DNAAF11: variants seen among roughly 807,000 people sequenced by gnomAD.
DNAAF11 encodes the protein dynein axonemal assembly factor 11, also known as leucine rich repeat containing 6.
DNAAF11 carries 45 observed loss-of-function variants against 60.8 expected under a neutral mutation model. The observed-to-expected ratio is 0.74, with a 90% CI of 0.58 to 0.95. DNAAF11 has a LOEUF of 0.95. Among genes scored for constraint, DNAAF11 ranks in the 40% least tolerant of loss-of-function variants. The probability of loss-of-function intolerance (pLI) is 0.00; values close to 1 mark genes in which losing one functional copy is unlikely to be tolerated. For synonymous variants in DNAAF11, 191 were observed against 183.5 expected (o/e 1.04, Z -0.33); for missense variants, 546 against 546.2 (o/e 1.00, Z 0.00).
At chr8:132,626,950 G>T (rs1191921725) in intron 5 of DNAAF11, among the ~76,000 whole-genome samples, 1 of 152,144 alleles carries the variant, frequency 6.6e-6, no homozygotes, top group Admixed American at 6.5e-5. Flanking sequence ...TCAAAGGGAT[G>T]AACTGAAAAT....
At chr8:132,676,640 C>G (rs895280885), upstream of DNAAF11, among the ~76,000 whole-genome samples, 4 of 151,992 alleles carry the variant, frequency 2.6e-5, no homozygotes, top group Non-Finnish European at 5.9e-5. Flanking sequence ...TTAGAGTTTG[C>G]CAGGTAGAGA....
intron 10 of DNAAF11, among the ~76,000 whole-genome samples, chr8:132,592,738 A>G (rs1030921386): frequency 2.0e-5 from 3 of 152,182 alleles, no homozygotes; most frequent in African/African-American, 7.2e-5. Context: ...GATGATTGTT[A>G]TCTCTGCCAA....
intron 11 of DNAAF11, among the ~76,000 whole-genome samples, chr8:132,578,166 A>C (rs1477103354): frequency 6.6e-6 from 1 of 152,138 alleles, no homozygotes; most frequent in East Asian, 1.9e-4. Context: ...AGAATGGCCT[A>C]CCTCATTTCC....
At chr8:132,677,706 T>A (rs2130934200), upstream of DNAAF11, among the ~76,000 whole-genome samples, 2 of 152,192 alleles carry the variant, frequency 1.3e-5, no homozygotes, top group South Asian at 4.1e-4. Flanking sequence ...ATCACTGCAC[T>A]CCATCCTGGG....
At chr8:132,629,759 C>G (rs1454674091) in intron 5 of DNAAF11, among the ~76,000 whole-genome samples, 3 of 152,138 alleles carry the variant, frequency 2.0e-5, no homozygotes, top group African/African-American at 7.2e-5. Flanking sequence ...CAAGTTACTC[C>G]TTACAAACAA....
At chr8:132,586,870 A>G (rs1815960696) in intron 10 of DNAAF11, among the ~76,000 whole-genome samples, 1 of 152,052 alleles carries the variant, frequency 6.6e-6, no homozygotes, top group African/African-American at 2.4e-5. Flanking sequence ...GCACTTCTTA[A>G]TACATATTTT....
chr8:132,618,970 A>G lies in DNAAF11; in HGVS notation c.914+3641T>C, dbSNP rs566398557. ...TGGATATATACCCAAAGGACTATAA[A>G]TCATGCTGCTATAAAGACACATGCA... is the stretch of plus-strand genomic sequence containing the variant. On this transcript the variant is annotated intron_variant, in intron 7 of 11. Coordinates refer to ENST00000620350, the MANE Select transcript of DNAAF11 (RefSeq NM_012472.6). 3.3e-5 allele frequency among the ~76,000 whole-genome samples: 5 copies of G among 152,266 alleles called. No individual in the cohort carries two copies. The East Asian group carries it at 5.8e-4, about 18-fold the overall frequency.
chr8:132,629,583 G>A (rs1050707059), intron 5 of DNAAF11, among the ~76,000 whole-genome samples: 20 of 151,880 alleles, frequency 1.3e-4, no homozygotes, highest in Non-Finnish European at 1.3e-4. Flanking sequence ...TCCTGACCTC[G>A]TGATCCGCCC....
chr8:132,645,943 C>T (rs1339942912), intron 3 of DNAAF11, among the ~76,000 whole-genome samples: 2 of 152,080 alleles, frequency 1.3e-5, no homozygotes. Context: ...ACTTCCCCAA[C>T]CTAGCAAGGT....
At chr8:132,608,822 GTTATT>G (rs1300246762) in intron 10 of DNAAF11, among the ~76,000 whole-genome samples, 1 of 152,096 alleles carries the variant, frequency 6.6e-6, no homozygotes, top group Admixed American at 6.6e-5. Flanking sequence ...AGCTGTGTTT[GTTATT>G]TTATTACTTG....
rs143214209 is a variant in DNAAF11 at position 132,577,855 on chromosome 8, T to C, written c.1227-5375A>G. Among the ~76,000 whole-genome samples the C allele has an allele frequency of 4.9e-3, 735 of 151,306 alleles. 12 individuals carry two copies. The highest frequency in any genetic ancestry group is 0.017 in the African/African-American group (707 of 41,202). On this transcript the variant is annotated intron_variant, in intron 11 of 11. Transcript: ENST00000620350. ...TTTTGTATTTTTTTTTTAGTAGAAA[T>C]GGGGTTTTGCCAAAAGATGGCCAGG...
intron 10 of DNAAF11, among the ~76,000 whole-genome samples, chr8:132,598,969 A>C (rs1420712165): frequency 7.9e-5 from 12 of 152,222 alleles, no homozygotes. Context: ...CCTTCAAAAA[A>C]TCAATGAATC....
At chr8:132,655,456 A>C (rs961855575) in intron 3 of DNAAF11, among the ~76,000 whole-genome samples, 1 of 152,168 alleles carries the variant, frequency 6.6e-6, no homozygotes, top group Non-Finnish European at 1.5e-5. Context: ...GAAAACAAAC[A>C]AACAAACTAT....
intron 10 of DNAAF11, among the ~76,000 whole-genome samples, chr8:132,609,797 A>G (rs1169272242): frequency 6.6e-6 from 1 of 152,188 alleles, no homozygotes; most frequent in Non-Finnish European, 1.5e-5. Context: ...CAAGAAATGA[A>G]CCATTTATTT....
At chr8:132,648,681 T>A (rs1044399024) in intron 3 of DNAAF11, among the ~76,000 whole-genome samples, 1 of 152,170 alleles carries the variant, frequency 6.6e-6, no homozygotes, top group Admixed American at 6.5e-5. Context: ...AAAAAATCAA[T>A]GTGCAAAAAT....
chr8:132,580,154 T>C (rs1345685502), intron 11 of DNAAF11, among the ~76,000 whole-genome samples: 1 of 151,980 alleles, frequency 6.6e-6, no homozygotes, highest in Non-Finnish European at 1.5e-5. Context: ...TATGTTTAAA[T>C]AACATGTCTC....
At position 132,595,348 on chromosome 8, in the gene DNAAF11, G is replaced by GAAAAAA. The variant is rs71306394; in HGVS notation, c.1141-11575_1141-11570dup. Among the ~76,000 whole-genome samples, 4 of 57,412 alleles carry GAAAAAA rather than the reference G, an allele frequency of 7.0e-5. 1 individual carries two copies. The highest frequency in any genetic ancestry group is 4.5e-4 in the African/African-American group (4 of 8,938). 37.7% of individuals were successfully genotyped at this position (57,412 alleles called of 152,430 possible). ...TCCCGAAAGAGAGAGAGACAGAGGG[G>GAAAAAA]AAAAAAAAAAAAAAAAAAAAAAAAA... On this transcript the variant is annotated intron_variant, in intron 10 of 11. Transcript: ENST00000620350.
intron 7 of DNAAF11, among the ~76,000 whole-genome samples, chr8:132,619,510 C>T (rs1563632506): frequency 6.6e-6 from 1 of 151,896 alleles, no homozygotes; most frequent in African/African-American, 2.4e-5. Flanking sequence ...CTGCTATGTC[C>T]AGTAAGACAA....
In DNAAF11 at chr8:132,641,485, G is replaced by A. The variant is rs1009797579; in HGVS notation, c.257-3378C>T. On this transcript the variant is annotated intron_variant, in intron 3 of 11. Transcript: ENST00000620350. ...TCCCACACATAAAAGATTCCTTGGCGTGAGATAGAAGGTCAAGAAATACTT... is the reference window on the plus strand; with the variant it reads ...TCCCACACATAAAAGATTCCTTGGCATGAGATAGAAGGTCAAGAAATACTT... Among the ~76,000 whole-genome samples the A allele has an allele frequency of 5.9e-5, 9 of 152,228 alleles. No individual in the cohort carries two copies. In the South Asian group the frequency reaches 8.3e-4, roughly 14 times the overall value.
Sources: gnomAD v4.1 joint callset for allele counts (sites outside exome capture counted in the v4.1 genomes callset) on GRCh38, gnomAD v4.1.1 for gene constraint, MANE v1.5 for transcripts, NCBI Gene and HGNC (gene_info 2026-07-23, HGNC 2026-07-21) for gene names.